PPP1R10: variants seen among roughly 807,000 people sequenced by gnomAD.
PPP1R10 encodes protein phosphatase 1 regulatory subunit 10.
In PPP1R10, 15 loss-of-function variants were observed where a neutral mutation model predicts 99.0. The observed-to-expected ratio is 0.15, with a 90% CI of 0.10 to 0.23. PPP1R10 has a LOEUF of 0.23. PPP1R10 is among the 10% of genes least tolerant of loss of function. PPP1R10 has a pLI of 1.00. For missense variants in PPP1R10, 947 were observed against 1,259.4 expected (o/e 0.75, Z 3.75); for synonymous variants, 430 against 449.5 (o/e 0.96, Z 0.55).
At position 30,604,634 on chromosome 6, in the gene PPP1R10, T is replaced by G. The variant is rs1489301837; in HGVS notation, c.1056A>C (p.Pro352=). ...PPSEAMDADR[P]GTPVPPVEVP... is the part of the protein sequence containing the mutation. ...CTTCAACAGGGGGAACCGGGGTGCC[T>G]GGACGGTCTGCGTCCATTGCCTCAG... Residue 352 remains proline, a synonymous_variant, in exon 12 of 20, where the codon CCA becomes CCC. Coordinates refer to ENST00000376511, the MANE Select transcript of PPP1R10 (RefSeq NM_002714.4). The surrounding 1 kb of genome is among the most constrained non-coding windows in gnomAD (Gnocchi z 7.3). 2 of 1,613,152 alleles carry G rather than the reference T, an allele frequency of 1.2e-6. No homozygotes were observed.
In PPP1R10 at chr6:30,606,605, C is replaced by G. The variant is rs1161845676; in HGVS notation, c.497G>C (p.Ser166Thr). ...AGGTCGCTCAGGAAGGGTAGTTCGA[C>G]TTTTTCCTTCATCTTTACGTTTCTT... ...DKKKRKDEGKSRTTLPERPLT... is the reference protein window; with the variant it reads ...DKKKRKDEGKTRTTLPERPLT... Residue 166 changes from serine to threonine, a missense_variant, in exon 8 of 20, where the codon AGT becomes ACT. Transcript: ENST00000376511. The surrounding 1 kb of genome is among the most constrained non-coding windows in gnomAD (Gnocchi z 6.3). The G allele has an allele frequency of 6.2e-7, 1 of 1,614,200 alleles. No individual in the cohort carries two copies. Among genetic ancestry groups the G allele is most frequent in the Non-Finnish European group, 8.5e-7 (1 of 1,180,048 alleles).
rs776689233 is a variant in PPP1R10, at chr6:30,602,465, ACCT to A, written c.2181_2183del (p.Gly728del). 4 of 1,591,790 alleles carry A rather than the reference ACCT, an allele frequency of 2.5e-6. No individual in the cohort carries two copies. The highest frequency in any genetic ancestry group is 1.7e-5 in the Admixed American group (1 of 58,626). Reference sequence around the variant, plus strand: ...CATTTGGGGGTCCTCCTCCAGAGCGACCTCCTCTGGCGCCTCGGAATGGAGGAG... The same window carrying A: ...CATTTGGGGGTCCTCCTCCAGAGCGACCTCTGGCGCCTCGGAATGGAGGAG... On this transcript the variant is annotated inframe_deletion, in exon 19 of 20. Coordinates refer to ENST00000376511, the MANE Select transcript of PPP1R10 (RefSeq NM_002714.4). The surrounding 1 kb of genome is among the most constrained non-coding windows in gnomAD (Gnocchi z 6.7).
At chr6:30,603,126 C>A (rs765437305) in intron 17 of PPP1R10, 84 bp downstream of exon 17, 11 of 1,499,732 alleles carry the variant, frequency 7.3e-6, no homozygotes, top group Non-Finnish European at 1.0e-5. Flanking sequence ...GCCCTGTATT[C>A]TTCTGCATCT....
intron 2 of PPP1R10, chr6:30,614,516 G>A (rs1226948856): frequency 1.3e-5 from 2 of 152,068 alleles, no homozygotes. Context: ...TGGGAATGAG[G>A]GCGATTTAGA....
At chr6:30,607,983 CTT>C (rs373428073) in intron 5 of PPP1R10, 92 bp from the exon 6 acceptor site, 17,871 of 873,102 alleles carry the variant, frequency 0.02, no homozygotes, top group Middle Eastern at 0.025. Context: ...GTCCTCCCTG[CTT>C]TTTTTTTTTT....
chr6:30,602,354 A>T lies in PPP1R10; in HGVS notation c.2295T>A (p.Ser765Arg). The T allele has an allele frequency of 1.9e-6, 3 of 1,612,300 alleles. No individual in the cohort carries two copies. The highest frequency in any genetic ancestry group is 2.5e-6 in the Non-Finnish European group (3 of 1,179,762). ...CAGGGCCTTCGTGGGGACGATGTCC[A>T]CTGCTGTTGCCCATGCCCCCACCAG... ...EGPGGGMGNS[S>R]GHRPHEGPGG... Residue 765 changes from serine to arginine, a missense_variant, in exon 19 of 20, where the codon AGT becomes AGA. Physicochemically the swap from Ser to Arg is moderately radical, Grantham distance 110. Around this residue, in one of 10 missense-constraint regions of PPP1R10, gnomAD observed 525 missense variants for 578.8 expected, o/e 0.91. Coordinates refer to ENST00000376511, the MANE Select transcript of PPP1R10 (RefSeq NM_002714.4). This position sits in a 1 kb window ranked among gnomAD's most constrained non-coding sequence, Gnocchi z 6.7.
intron 2 of PPP1R10, among the ~76,000 whole-genome samples, chr6:30,613,297 C>A (rs112994551): frequency 6.6e-5 from 10 of 152,276 alleles, no homozygotes; most frequent in African/African-American, 1.7e-4. Context: ...GATAAAAATT[C>A]TGTGCAAGTC....
rs919293324 is a variant in PPP1R10 at position 30,606,440 on chromosome 6, C to A, written c.634+28G>T. On this transcript the variant is annotated intron_variant, in intron 8 of 19. Coordinates refer to ENST00000376511, the MANE Select transcript of PPP1R10 (RefSeq NM_002714.4). This position sits in a 1 kb window ranked among gnomAD's most constrained non-coding sequence, Gnocchi z 6.3. ...CTCTGGGTGTGCACATGCCCATGAA[C>A]CCTCCAGAGGCCAGCCGCCAGTCTT... is the stretch of plus-strand genomic sequence containing the variant. 2.5e-6 allele frequency: 4 copies of A among 1,610,662 alleles called. No individual in the cohort carries two copies. The highest frequency in any genetic ancestry group is 3.4e-6 in the Non-Finnish European group (4 of 1,178,804).
Position 30,604,518 on chromosome 6 carries a change from G to A in PPP1R10, c.1103-7C>T. ...GCTCCTGGCTCCAAAGAGGCTGGAAGCAGAAGAGGTTTCAGACCCAGATCC... is the reference window on the plus strand; with the variant it reads ...GCTCCTGGCTCCAAAGAGGCTGGAAACAGAAGAGGTTTCAGACCCAGATCC... On this transcript the variant is annotated splice_polypyrimidine_tract_variant and splice_region_variant and intron_variant, in intron 12 of 19. Transcript: ENST00000376511. This position sits in a 1 kb window ranked among gnomAD's most constrained non-coding sequence, Gnocchi z 7.3. The A allele has an allele frequency of 1.2e-6, 2 of 1,612,996 alleles. No homozygotes were observed. The highest frequency in any genetic ancestry group is 1.7e-6 in the Non-Finnish European group (2 of 1,180,012).
rs774669648 is a variant in PPP1R10, at chr6:30,606,061, C to T, written c.741-26G>A. ...CTGTCAGAAGAGGAACTGTCATCAA[C>T]ATCTCCGACTCACCCCCTCCTGCTC... is the stretch of plus-strand genomic sequence containing the variant. On this transcript the variant is annotated intron_variant, in intron 9 of 19. Transcript: ENST00000376511. This position sits in a 1 kb window ranked among gnomAD's most constrained non-coding sequence, Gnocchi z 6.3. 8.1e-6 allele frequency: 13 copies of T among 1,612,980 alleles called. No homozygotes were observed. The highest frequency in any genetic ancestry group is 1.1e-5 in the Non-Finnish European group (13 of 1,179,134).
At chr6:30,601,839 G>T in intron 19 of PPP1R10, 97 bp downstream of exon 19, 2 of 1,412,448 alleles carry the variant, frequency 1.4e-6, no homozygotes, top group Non-Finnish European at 1.9e-6. Context: ...GGTACCTCAC[G>T]TTCTGCCTAG....
Position 30,609,870 on chromosome 6 carries a change from G to C in PPP1R10, c.75C>G (p.Val25=). 7 of 1,613,962 alleles carry C rather than the reference G, an allele frequency of 4.3e-6. No homozygotes were observed. Among genetic ancestry groups the C allele is most frequent in the Non-Finnish European group, 5.1e-6 (6 of 1,179,984 alleles). ...LDSFLNRDGE[V]KSVDGISKIF... is the part of the protein sequence containing the mutation. The stretch of plus-strand genomic sequence containing the variant: ...TCTTGGAAATCCCATCCACACTTTT[G>C]ACTTCCCCATCTCGGTTAAGGAAGC... Residue 25 remains valine (V), a synonymous_variant, in exon 3 of 20, where the codon GTC becomes GTG. Coordinates refer to ENST00000376511, the MANE Select transcript of PPP1R10 (RefSeq NM_002714.4). The surrounding 1 kb of genome is among the most constrained non-coding windows in gnomAD (Gnocchi z 4.5).
rs2127437174 is a variant in PPP1R10 at position 30,603,193 on chromosome 6, C to T, written c.1843+17G>A. The T allele has an allele frequency of 6.2e-7, 1 of 1,604,106 alleles. No individual in the cohort carries two copies. The highest frequency in any genetic ancestry group is 1.1e-5 in the South Asian group (1 of 90,868). On this transcript the variant is annotated intron_variant, in intron 17 of 19. Coordinates refer to ENST00000376511, the MANE Select transcript of PPP1R10 (RefSeq NM_002714.4). ...GGCTTCCTCCCCCAGTCCCCTGGGG[C>T]TGGCCCTGAAGATTACCCAGCATCT... is the stretch of plus-strand genomic sequence containing the variant.
Position 30,606,138 on chromosome 6 carries a change from C to G in PPP1R10, c.740G>C (p.Ser247Thr), listed in dbSNP as rs140845191. 1.9e-6 allele frequency: 3 copies of G among 1,614,082 alleles called. No individual in the cohort carries two copies. Among genetic ancestry groups the G allele is most frequent in the African/African-American group, 1.3e-5 (1 of 75,026 alleles). ...CAGAGCCTGAGAATATGGTCCATAC[C>G]TCTGACGTTTGAGGGGGATGGGTTT... is the stretch of plus-strand genomic sequence containing the variant. The part of the protein sequence containing the change: ...NLKPIPLKRQ[S>T]NVAAPGDATP... The change falls in exon 9 of 20, where the codon AGC becomes ACC. Residue 247 changes from serine (S) to threonine (T), a missense_variant and splice_region_variant. By Grantham distance (58) the Ser-to-Thr change is moderately conservative. Transcript: ENST00000376511. This position sits in a 1 kb window ranked among gnomAD's most constrained non-coding sequence, Gnocchi z 6.3.
rs563007150 is a variant in PPP1R10 at position 30,611,995 on chromosome 6, C to T, written c.-11-2040G>A. ...GATCTATAGAAACTATAAAGAGATA[C>T]GATAAAGGGACACATAAAACAGATA... On this transcript the variant is annotated intron_variant, in intron 2 of 19. Transcript: ENST00000376511. Among the ~76,000 whole-genome samples, 22 of 152,136 alleles carry T rather than the reference C, an allele frequency of 1.4e-4. No homozygotes were observed. In the South Asian group the frequency reaches 1.5e-3, roughly 10 times the overall value.
intron 2 of PPP1R10, among the ~76,000 whole-genome samples, chr6:30,613,863 G>GAA (rs773397295): frequency 1.3e-5 from 2 of 151,384 alleles, no homozygotes; most frequent in Non-Finnish European, 2.9e-5. Flanking sequence ...CTGCTTAAAA[G>GAA]AAAAAAACAA....
At chr6:30,615,763 A>G (rs1760428152) in intron 2 of PPP1R10, among the ~76,000 whole-genome samples, 1 of 152,156 alleles carries the variant, frequency 6.6e-6, no homozygotes, top group Non-Finnish European at 1.5e-5. Flanking sequence ...GCAATCTGCA[A>G]CAATTATAAG....
chr6:30,603,554 A>C lies in PPP1R10; in HGVS notation c.1685T>G (p.Met562Arg). Reference sequence around the variant, plus strand: ...GCCCTTTCCAGCACCCATGCTTCCCATAAGATTGGCCAGAACTGGAGGCAA... The same window carrying C: ...GCCCTTTCCAGCACCCATGCTTCCCCTAAGATTGGCCAGAACTGGAGGCAA... The part of the protein sequence containing the change: ...SKLPPVLANL[M>R]GSMGAGKGPQ... Residue 562 changes from methionine (M) to arginine (R), a missense_variant, in exon 16 of 20, where the codon ATG (methionine) becomes AGG (arginine). By Grantham distance (91) the Met-to-Arg change is moderately conservative. This residue lies in a region of PPP1R10 where 525 missense variants were observed against 578.8 expected (regional missense o/e 0.91). Coordinates refer to ENST00000376511, the MANE Select transcript of PPP1R10 (RefSeq NM_002714.4). 6.2e-7 allele frequency: 1 copy of C among 1,614,050 alleles called. No homozygotes were observed. The highest frequency in any genetic ancestry group is 8.5e-7 in the Non-Finnish European group (1 of 1,179,980).
rs1220153110 is a variant in PPP1R10 at position 30,600,703 on chromosome 6, A to G, written c.*846T>C. On this transcript the variant is annotated 3_prime_UTR_variant, in exon 20 of 20. Transcript: ENST00000376511. ...GGCAAGGTTCCAGGTGGGAGCAGGG[A>G]GTGAGCTGACTCCCAAAGGCAGTGC... 6.6e-6 allele frequency: 1 copy of G among 152,564 alleles called. No individual in the cohort carries two copies. The highest frequency in any genetic ancestry group is 1.5e-5 in the Non-Finnish European group (1 of 68,020). The allele number at this position is 152,564 out of a possible 1,614,324, so 9.5% of individuals were successfully genotyped here.
Sources: allele counts gnomAD v4.1 joint callset (sites outside exome capture counted in the v4.1 genomes callset), GRCh38; gene constraint gnomAD v4.1.1; regional missense constraint gnomAD v4.1.1; non-coding constraint Gnocchi (gnomAD v3.1); transcripts MANE v1.5; gene names NCBI Gene and HGNC (gene_info 2026-07-23, HGNC 2026-07-21).